The following MICAL2 variants were observed in gnomAD, a reference collection of about 807,000 sequenced individuals.
The protein encoded by MICAL2 is [F-actin]-monooxygenase MICAL2.
MICAL2 carries 77 observed loss-of-function variants against 127.3 expected under a neutral mutation model. The ratio of observed to expected loss-of-function variants is 0.60; its 90% CI spans 0.50 to 0.73. The LOEUF (loss-of-function observed/expected upper bound fraction) is 0.73. MICAL2 is among the 30% of genes least tolerant of loss of function. The probability of loss-of-function intolerance (pLI) is 0.00; values close to 1 mark genes in which losing one functional copy is unlikely to be tolerated. For missense variants in MICAL2, 1,351 were observed against 1,434.4 expected, an observed-to-expected ratio of 0.94 and a Z score of 0.94; for synonymous variants, 570 against 551.1, an observed-to-expected ratio of 1.03 and a Z score of -0.48.
chr11:12,354,940 G>A lies in MICAL2; in HGVS notation c.5689+83G>A, dbSNP rs545234243. The A allele has an allele frequency of 9.0e-5, 117 of 1,293,310 alleles. No individual in the cohort carries two copies. In the Middle Eastern group the frequency reaches 9.5e-4, roughly 11 times the overall value. The allele number at this position is 1,293,310 out of a possible 1,614,324, so 80.1% of individuals were successfully genotyped here. On this transcript the variant is annotated intron_variant, in intron 34 of 34. Coordinates refer to the MICAL2 transcript ENST00000646065. ...TGTGCCACAAATCCCAGAGTGGGGC[G>A]CTCTTCCTGCCTGCCAGCCTGCAAG...
rs779539293 is a variant in MICAL2 at position 12,220,284 on chromosome 11, C to T, written c.1032C>T (p.Asp344=). The change falls in exon 9 of 28, where the codon GAC becomes GAT. Residue 344 remains aspartate (D), a synonymous_variant. Coordinates refer to ENST00000683283, the MANE Select transcript of MICAL2 (RefSeq NM_001282663.2). ...TATCCTATGCCCGGGAAGCTGCAGACTTTGCCACCAACTACCAGCTGCCAT... is the reference window on the plus strand; with the variant it reads ...TATCCTATGCCCGGGAAGCTGCAGATTTTGCCACCAACTACCAGCTGCCAT... The part of the protein sequence containing the change: ...NLLSYAREAA[D]FATNYQLPSL... 6.2e-7 allele frequency: 1 copy of T among 1,614,238 alleles called. No individual in the cohort carries two copies. Among genetic ancestry groups the T allele is most frequent in the South Asian group, 1.1e-5 (1 of 91,086 alleles).
intron 2 of MICAL2, among the ~76,000 whole-genome samples, chr11:12,156,485 A>G (rs1331560723): frequency 6.6e-6 from 1 of 152,192 alleles, no homozygotes; most frequent in Non-Finnish European, 1.5e-5. Context: ...CCCAGGAGGC[A>G]GTACACGCTC....
downstream of MICAL2, chr11:12,294,617 CT>C: frequency 1.2e-6 from 2 of 1,614,208 alleles, no homozygotes; most frequent in Non-Finnish European, 1.7e-6. Flanking sequence ...AAGAATCTCA[CT>C]TTTTTCCTCC....
chr11:12,328,080 C>T (rs1240131562), intron 32 of MICAL2, among the ~76,000 whole-genome samples: 1 of 152,148 alleles, frequency 6.6e-6, no homozygotes, highest in East Asian at 1.9e-4. Context: ...AACACATTGC[C>T]TGGCCCAAGG....
At chr11:12,179,933 A>G (rs940809849) in intron 3 of MICAL2, among the ~76,000 whole-genome samples, 1 of 152,122 alleles carries the variant, frequency 6.6e-6, no homozygotes, top group African/African-American at 2.4e-5. Context: ...CCTTCCCTTT[A>G]AGCAGCCATC....
chr11:12,222,921 G>A (rs10831769), intron 11 of MICAL2, among the ~76,000 whole-genome samples, 178 bp downstream of exon 11: 73,034 of 152,080 alleles, frequency 0.48, 18,041 homozygotes, highest in East Asian at 0.68. Flanking sequence ...TTTCTAGCCC[G>A]CAGGACAGAA....
At chr11:12,351,409 T>C (rs1939042920) in intron 33 of MICAL2, among the ~76,000 whole-genome samples, 2 of 152,142 alleles carry the variant, frequency 1.3e-5, no homozygotes, top group Admixed American at 1.3e-4. Context: ...GCTACTGATA[T>C]CCAGTGAGCA....
intron 29 of MICAL2, among the ~76,000 whole-genome samples, chr11:12,315,830 A>G (rs1864226079): frequency 6.6e-6 from 1 of 152,266 alleles, no homozygotes; most frequent in African/African-American, 2.4e-5. Context: ...AAAAGGGTTA[A>G]TACCCCTTAG....
intron 2 of MICAL2, among the ~76,000 whole-genome samples, chr11:12,142,036 C>T (rs528230896): frequency 6.6e-6 from 1 of 152,336 alleles, no homozygotes; most frequent in Admixed American, 6.5e-5. Flanking sequence ...ACCCATAGCG[C>T]AAGCTGGTGG....
chr11:12,348,822 A>G (rs1938998526), intron 32 of MICAL2, among the ~76,000 whole-genome samples: 1 of 152,192 alleles, frequency 6.6e-6, no homozygotes, highest in Non-Finnish European at 1.5e-5. Flanking sequence ...TATCTACAGA[A>G]AAGTTTGTTA....
At chr11:12,190,966 G>A (rs1427854471) in intron 3 of MICAL2, among the ~76,000 whole-genome samples, 3 of 152,150 alleles carry the variant, frequency 2.0e-5, no homozygotes, top group Non-Finnish European at 4.4e-5. Flanking sequence ...ATTTCAGTTA[G>A]CCTCAGTGTG....
Position 12,342,051 on chromosome 11 carries a change from C to T in MICAL2, c.5516-7787C>T, listed in dbSNP as rs549283671. ...TCATTTCACCTCAGCAAGTGGGATA[C>T]TTACATTTCGCACAGGAAAAGGCAT... On this transcript the variant is annotated intron_variant, in intron 32 of 34. Coordinates refer to the MICAL2 transcript ENST00000646065. Among the ~76,000 whole-genome samples, 34 of 152,138 alleles carry T rather than the reference C, an allele frequency of 2.2e-4. 1 individual carries two copies. Among genetic ancestry groups the T allele is most frequent in the Non-Finnish European group, 4.6e-4 (31 of 68,028 alleles).
intron 1 of MICAL2, among the ~76,000 whole-genome samples, chr11:12,132,917 T>C (rs7108923): frequency 0.091 from 13,817 of 152,246 alleles, 1,352 homozygotes; most frequent in African/African-American, 0.24. Context: ...CCATGCAGAC[T>C]TCGGTGCTGG....
At chr11:12,168,191 A>G (rs533863319) in intron 3 of MICAL2, among the ~76,000 whole-genome samples, 2 of 145,738 alleles carry the variant, frequency 1.4e-5, no homozygotes, top group African/African-American at 5.2e-5. Context: ...TACACCATAC[A>G]TACACATACA....
downstream of MICAL2, chr11:12,294,505 A>C (rs372744331): frequency 2.1e-4 from 341 of 1,614,028 alleles, no homozygotes; most frequent in Non-Finnish European, 2.8e-4. Flanking sequence ...TCTTTCCTGC[A>C]CTTAGGTCCC....
intron 32 of MICAL2, among the ~76,000 whole-genome samples, chr11:12,342,783 C>T (rs1401904933): frequency 6.6e-6 from 1 of 152,194 alleles, no homozygotes; most frequent in Non-Finnish European, 1.5e-5. Context: ...AGGTTACGTG[C>T]CCAAAGTCAC....
intron 6 of MICAL2, 25 bp downstream of exon 6, chr11:12,209,623 G>C: frequency 6.3e-7 from 1 of 1,580,452 alleles, no homozygotes; most frequent in South Asian, 1.1e-5. Context: ...TCTTGGTGTG[G>C]GAATGGGGGG....
chr11:12,259,188 A>C (rs2134687563), intron 25 of MICAL2, among the ~76,000 whole-genome samples: 1 of 152,328 alleles, frequency 6.6e-6, no homozygotes, highest in African/African-American at 2.4e-5. Context: ...ATCACCTGTA[A>C]CCACTCTACC....
Position 12,242,364 on chromosome 11 carries a change from C to T in MICAL2, c.2488C>T (p.Arg830Cys), listed in dbSNP as rs765267484. The T allele has an allele frequency of 1.8e-5, 29 of 1,614,018 alleles. No individual in the cohort carries two copies. Among genetic ancestry groups the T allele is most frequent in the Middle Eastern group, 3.3e-4 (2 of 6,056 alleles). Reference protein sequence around the residue: ...TENFATLPSTRPRAQALSGVL... With the variant: ...TENFATLPSTCPRAQALSGVL... ...AAATTTCGCTACCCTGCCTTCTACCCGCCCGAGGGCGCAGGCTCTTTCCGG... is the reference window on the plus strand; with the variant it reads ...AAATTTCGCTACCCTGCCTTCTACCTGCCCGAGGGCGCAGGCTCTTTCCGG... The change falls in exon 19 of 28, where the codon CGC (arginine) becomes TGC (cysteine). Residue 830 changes from arginine to cysteine, a missense_variant. Physicochemically the swap from Arg to Cys is radical, Grantham distance 180 (BLOSUM62 -3). This residue lies in a region of MICAL2 where 752 missense variants were observed against 719.4 expected (regional missense o/e 1.05). Coordinates refer to ENST00000683283, the MANE Select transcript of MICAL2 (RefSeq NM_001282663.2).
Sources: gnomAD v4.1 joint callset for allele counts (sites outside exome capture counted in the v4.1 genomes callset) on GRCh38, gnomAD v4.1.1 for gene constraint, gnomAD v4.1.1 regional missense constraint, MANE v1.5 for transcripts, NCBI Gene and HGNC (gene_info 2026-07-23, HGNC 2026-07-21) for gene names.